SAMTOR: variants seen among roughly 807,000 people sequenced by gnomAD.
SAMTOR encodes the protein S-adenosylmethionine sensor upstream of mTORC1, also known as UPF0532 protein C7orf60.
the SAMTOR span, among the ~76,000 whole-genome samples, chr7:112,916,659 C>T: frequency 4.9e-3 from 744 of 152,220 alleles, no homozygotes; most frequent in Non-Finnish European, 7.1e-3. Flanking sequence ...ACTTGGGAAG[C>T]GCAAGGGGTC....
chr7:112,886,572 T>C, the SAMTOR span, among the ~76,000 whole-genome samples: 1 of 152,180 alleles, frequency 6.6e-6, no homozygotes, highest in African/African-American at 2.4e-5. Context: ...CTTTCTACCA[T>C]ACTGTCCTTC....
chr7:112,921,731 G>A, the SAMTOR span, among the ~76,000 whole-genome samples: 1 of 108,586 alleles, frequency 9.2e-6, no homozygotes, highest in African/African-American at 3.7e-5. Flanking sequence ...AATCTACAAT[G>A]AACTCAAACA....
chr7:112,902,416 CAAAA>C, the SAMTOR span, among the ~76,000 whole-genome samples: 189 of 12,296 alleles, frequency 0.015, 16 homozygotes, highest in Middle Eastern at 0.12. Context: ...AACTCCGTCT[CAAAA>C]AAAAAAAACA....
At chr7:112,878,546 GA>G in the SAMTOR span, among the ~76,000 whole-genome samples, 1 of 152,098 alleles carries the variant, frequency 6.6e-6, no homozygotes, top group African/African-American at 2.4e-5. Flanking sequence ...TTATCTATCA[GA>G]AAGTTTAATA....
the SAMTOR span, among the ~76,000 whole-genome samples, chr7:112,850,448 A>T: frequency 6.6e-6 from 1 of 152,102 alleles, no homozygotes; most frequent in Non-Finnish European, 1.5e-5. Context: ...CTACACCTCA[A>T]TTTTTGGGAA....
the SAMTOR span, chr7:112,939,765 C>G: frequency 1.9e-6 from 3 of 1,578,264 alleles, no homozygotes; most frequent in South Asian, 3.4e-5. Context: ...CAGCCGCCGC[C>G]GCCGCCGCCG....
At chr7:112,918,726 A>G in the SAMTOR span, among the ~76,000 whole-genome samples, 1 of 152,230 alleles carries the variant, frequency 6.6e-6, no homozygotes, top group Non-Finnish European at 1.5e-5. Flanking sequence ...AGACACACAT[A>G]GGCTCAAAAT....
the SAMTOR span, chr7:112,939,793 G>T: frequency 2.0e-6 from 3 of 1,501,776 alleles, no homozygotes; most frequent in East Asian, 6.9e-5. Context: ...GGCCCCCGCA[G>T]ACGCTCCCCA....
the SAMTOR span, among the ~76,000 whole-genome samples, chr7:112,884,430 G>GC: frequency 2.0e-5 from 3 of 152,270 alleles, no homozygotes; most frequent in African/African-American, 7.2e-5. Context: ...TAAAATAAAT[G>GC]CAAGTTAGTT....
chr7:112,879,024 ATCTTAAAAGTT>A, the SAMTOR span, among the ~76,000 whole-genome samples: 1 of 151,964 alleles, frequency 6.6e-6, no homozygotes, highest in African/African-American at 2.4e-5. Flanking sequence ...TCAAAAATAA[ATCTTAAAAGTT>A]TCTGGCTTGG....
the SAMTOR span, among the ~76,000 whole-genome samples, chr7:112,829,992 T>C: frequency 6.6e-6 from 1 of 152,140 alleles, no homozygotes; most frequent in Non-Finnish European, 1.5e-5. Flanking sequence ...AGGGGACCTT[T>C]TGCAGGCCTC....
chr7:112,877,397 C>G, the SAMTOR span, among the ~76,000 whole-genome samples: 195 of 152,162 alleles, frequency 1.3e-3, 1 homozygote, highest in Admixed American at 2.4e-3. Flanking sequence ...TAAAAATTAC[C>G]AAATACCCAA....
the SAMTOR span, among the ~76,000 whole-genome samples, chr7:112,901,585 C>T: frequency 6.6e-6 from 1 of 152,226 alleles, no homozygotes; most frequent in Admixed American, 6.5e-5. Context: ...CCGAAACCAC[C>T]TGCTTCCACT....
the SAMTOR span, among the ~76,000 whole-genome samples, chr7:112,925,070 A>C: frequency 2.6e-5 from 4 of 152,312 alleles, no homozygotes; most frequent in South Asian, 8.3e-4. Context: ...TTGGAATATT[A>C]ATTTAAACAC....
chr7:112,828,251 A>C, the SAMTOR span, among the ~76,000 whole-genome samples: 47 of 152,208 alleles, frequency 3.1e-4, 3 homozygotes, highest in East Asian at 7.1e-3. Context: ...AACAATATAA[A>C]TTTTCTCATA....
At chr7:112,917,539 G>A in the SAMTOR span, among the ~76,000 whole-genome samples, 19 of 152,286 alleles carry the variant, frequency 1.2e-4, no homozygotes, top group East Asian at 3.9e-4. Flanking sequence ...AAAGCAGAGC[G>A]CCTCTCCTCC....
the SAMTOR span, among the ~76,000 whole-genome samples, chr7:112,884,428 A>C: frequency 6.6e-6 from 1 of 152,202 alleles, no homozygotes; most frequent in Admixed American, 6.5e-5. Flanking sequence ...TGTAAAATAA[A>C]TGCAAGTTAG....
the SAMTOR span, among the ~76,000 whole-genome samples, chr7:112,860,912 CAAAAAA>C: frequency 6.5e-5 from 3 of 45,908 alleles, no homozygotes; most frequent in African/African-American, 2.5e-4. Flanking sequence ...GACTCTGTCT[CAAAAAA>C]AAAAAAAAAA....
At chr7:112,914,252 T>TC in the SAMTOR span, among the ~76,000 whole-genome samples, 1 of 149,932 alleles carries the variant, frequency 6.7e-6, no homozygotes, top group African/African-American at 2.5e-5. Context: ...TTTTGGGAAT[T>TC]CATGTTTATT....
Sources: allele counts gnomAD v4.1 joint callset (sites outside exome capture counted in the v4.1 genomes callset), GRCh38; gene constraint gnomAD v4.1.1; transcripts MANE v1.5; gene names NCBI Gene and HGNC (gene_info 2026-07-23, HGNC 2026-07-21).